ZFHX3: variants seen among roughly 807,000 people sequenced by gnomAD.
ZFHX3 encodes the protein zinc finger homeobox protein 3.
A neutral mutation model predicts 279.1 loss-of-function variants in ZFHX3; 42 were observed. The ratio of observed to expected loss-of-function variants is 0.15; its 90% CI spans 0.12 to 0.19. ZFHX3 has a LOEUF of 0.19. ZFHX3 is among the 10% of genes least tolerant of loss of function. The pLI is 1.00. For missense variants in ZFHX3, 4,981 were observed against 4,754.0 expected, an observed-to-expected ratio of 1.05 and a Z score of -1.40; for synonymous variants, 2,293 against 1,957.8, an observed-to-expected ratio of 1.17 and a Z score of -4.52.
chr16:73,125,112 C>A (rs1966546731), intron 7 of ZFHX3: 1 of 151,870 alleles, frequency 6.6e-6, no homozygotes, highest in African/African-American at 2.4e-5. Context: ...TGATCATGTA[C>A]CTAGCACCCA....
chr16:73,834,706 C>T (rs1368816925), intron 1 of ZFHX3, among the ~76,000 whole-genome samples: 1 of 152,206 alleles, frequency 6.6e-6, no homozygotes, highest in Non-Finnish European at 1.5e-5. Context: ...TCCTGGCCAA[C>T]ATGGTGAAAC....
intron 3 of ZFHX3, among the ~76,000 whole-genome samples, chr16:73,368,334 A>C (rs934313877): frequency 2.0e-5 from 3 of 152,216 alleles, no homozygotes; most frequent in African/African-American, 7.2e-5. Flanking sequence ...TGTAGGTGTG[A>C]AGCTGCCTCA....
At chr16:73,295,881 T>G (rs1452238319) in intron 4 of ZFHX3, among the ~76,000 whole-genome samples, 2 of 152,230 alleles carry the variant, frequency 1.3e-5, no homozygotes, top group Non-Finnish European at 2.9e-5. Context: ...GCACCTCCTC[T>G]GCAGGAAGTA....
chr16:73,339,771 T>A (rs376353271), intron 3 of ZFHX3, among the ~76,000 whole-genome samples: 1 of 152,228 alleles, frequency 6.6e-6, no homozygotes. Context: ...CTTAGGACTT[T>A]GGATATTCCA....
chr16:73,484,171 G>C (rs1163733216), intron 2 of ZFHX3, among the ~76,000 whole-genome samples: 7 of 152,040 alleles, frequency 4.6e-5, no homozygotes, highest in African/African-American at 7.2e-5. Flanking sequence ...TAGGTGAAGA[G>C]AGAAGCCTAA....
chr16:73,199,735 G>A (rs1036069131), intron 5 of ZFHX3, among the ~76,000 whole-genome samples: 1 of 152,140 alleles, frequency 6.6e-6, no homozygotes, highest in African/African-American at 2.4e-5. Flanking sequence ...TCCTTTGGGA[G>A]GCCATGGTGG....
intron 3 of ZFHX3, among the ~76,000 whole-genome samples, chr16:73,423,981 C>A (rs1306573749): frequency 2.0e-5 from 3 of 152,010 alleles, no homozygotes; most frequent in Admixed American, 6.6e-5. Flanking sequence ...CAAAGGGGAC[C>A]TGAAAGAAGG....
intron 3 of ZFHX3, among the ~76,000 whole-genome samples, chr16:73,319,908 G>A (rs917902086): frequency 6.6e-6 from 1 of 152,188 alleles, no homozygotes; most frequent in African/African-American, 2.4e-5. Flanking sequence ...ATGGCGACGT[G>A]ATGGTTTGTT....
chr16:73,465,012 A>G (rs2018539311), intron 2 of ZFHX3, among the ~76,000 whole-genome samples: 1 of 152,194 alleles, frequency 6.6e-6, no homozygotes, highest in South Asian at 2.1e-4. Context: ...GGATGTGCAC[A>G]TGCCCTAAGC....
At chr16:73,775,552 C>T (rs754743471) in intron 1 of ZFHX3, among the ~76,000 whole-genome samples, 2 of 152,046 alleles carry the variant, frequency 1.3e-5, no homozygotes, top group African/African-American at 4.8e-5. Flanking sequence ...CTGGTTTGGC[C>T]GTGTGCTGAG....
At chr16:73,728,023 C>CCG (rs796799577) in intron 1 of ZFHX3, among the ~76,000 whole-genome samples, 8 of 109,164 alleles carry the variant, frequency 7.3e-5, no homozygotes, top group Admixed American at 1.1e-4. Flanking sequence ...GTGCCCCCCC[C>CCG]CCGCCCCCAA....
intron 1 of ZFHX3, among the ~76,000 whole-genome samples, chr16:73,747,651 T>G (rs779526347): frequency 9.9e-5 from 15 of 152,150 alleles, no homozygotes; most frequent in Non-Finnish European, 2.1e-4. Flanking sequence ...GACATCTCCC[T>G]CAGATAGATA....
intron 7 of ZFHX3, chr16:73,127,583 C>T (rs956114022): frequency 1.0e-5 from 13 of 1,304,118 alleles, no homozygotes; most frequent in Non-Finnish European, 9.1e-6. Context: ...TTGAGGACAG[C>T]CACTGACCAC....
chr16:72,960,209 C>T lies in ZFHX3; in HGVS notation c.-49-15G>A. The T allele has an allele frequency of 6.9e-7, 1 of 1,440,434 alleles. No individual in the cohort carries two copies. Among genetic ancestry groups the T allele is most frequent in the Non-Finnish European group, 9.2e-7 (1 of 1,091,708 alleles). The allele number at this position is 1,440,434 out of a possible 1,614,324, so 89.2% of individuals were successfully genotyped here. A position where few individuals can be genotyped will look rare whatever the true frequency, so the allele number is the denominator to read the frequency against. ...GAGGCTCGGACCTGAAGGGCAGAGG[C>T]AAGGGGGGAGGAGGGAGAGAGGGGA... On this transcript the variant is annotated splice_polypyrimidine_tract_variant and intron_variant, in intron 1 of 9. Transcript: ENST00000268489.
intron 2 of ZFHX3, among the ~76,000 whole-genome samples, chr16:73,589,116 T>G (rs1166131268): frequency 1.3e-5 from 2 of 150,490 alleles, no homozygotes; most frequent in African/African-American, 4.9e-5. Flanking sequence ...AAAAATTACC[T>G]GGGTGTGGTG....
chr16:73,312,688 T>C (rs913312382), intron 4 of ZFHX3, among the ~76,000 whole-genome samples: 8 of 152,216 alleles, frequency 5.3e-5, no homozygotes, highest in African/African-American at 1.9e-4. Flanking sequence ...CATAGCCACC[T>C]TGCAAGAAAG....
intron 1 of ZFHX3, among the ~76,000 whole-genome samples, chr16:73,851,280 C>T (rs576242402): frequency 6.6e-4 from 100 of 152,234 alleles, no homozygotes; most frequent in South Asian, 2.3e-3. Flanking sequence ...ACCAGAGGTG[C>T]GGTCACATTT....
At chr16:72,867,834 T>C (rs1334289100) in intron 4 of ZFHX3, among the ~76,000 whole-genome samples, 2 of 152,152 alleles carry the variant, frequency 1.3e-5, no homozygotes, top group Non-Finnish European at 2.9e-5. Flanking sequence ...CACCAACCAG[T>C]TGAGTCGGTT....
At chr16:73,755,796 T>C (rs1008331303) in intron 1 of ZFHX3, among the ~76,000 whole-genome samples, 2 of 152,200 alleles carry the variant, frequency 1.3e-5, no homozygotes, top group Admixed American at 1.3e-4. Context: ...GATTAATCCA[T>C]AAATCAGAAG....
Sources: allele counts gnomAD v4.1 joint callset (sites outside exome capture counted in the v4.1 genomes callset), GRCh38; gene constraint gnomAD v4.1.1; transcripts MANE v1.5; gene names NCBI Gene and HGNC (gene_info 2026-07-23, HGNC 2026-07-21).